Variants in SLIT2 observed in about 807,000 individuals in gnomAD.
SLIT2 encodes slit homolog 2 protein.
In SLIT2, 41 loss-of-function variants were observed where a neutral mutation model predicts 185.7. The ratio of observed to expected loss-of-function variants is 0.22; its 90% confidence interval spans 0.17 to 0.29. SLIT2 has a LOEUF of 0.29. Ranked by LOEUF, SLIT2 falls within the 10% of genes least tolerant of loss-of-function variation. The probability of loss-of-function intolerance (pLI) is 1.00; values close to 1 mark genes in which losing one functional copy is unlikely to be tolerated. For missense variants in SLIT2, 1,571 were observed against 1,909.0 expected (o/e 0.82, Z 3.30); for synonymous variants, 693 against 680.2 (o/e 1.02, Z -0.29).
At chr4:20,529,574 G>A (rs981748889) in intron 16 of SLIT2, among the ~76,000 whole-genome samples, 3 of 152,186 alleles carry the variant, frequency 2.0e-5, no homozygotes, top group African/African-American at 7.2e-5. Flanking sequence ...TGGTTATCAA[G>A]TATTAAAGTA....
intron 8 of SLIT2, among the ~76,000 whole-genome samples, chr4:20,489,563 C>A (rs1717587671): frequency 6.6e-6 from 1 of 152,170 alleles, no homozygotes. Context: ...GTGGGCAGAT[C>A]TCCAGAGGTC....
rs1385268844 is a variant in SLIT2, at chr4:20,570,712, AATATATATATATATATATGTATATATAT to A, written c.3088+1727_3088+1754del. Among the ~76,000 whole-genome samples, 487 of 112,314 alleles carry A rather than the reference AATATATATATATATATATGTATATATAT, an allele frequency of 4.3e-3. 3 individuals carry two copies. Among genetic ancestry groups the A allele is most frequent in the African/African-American group, 0.016 (460 of 29,482 alleles). The allele number at this position is 112,314 out of a possible 152,430, so 73.7% of individuals were successfully genotyped here. A position where few individuals can be genotyped will look rare whatever the true frequency, so the allele number is the denominator to read the frequency against. Reference sequence around the variant, plus strand: ...TGCCTAACCAATGCACAGAACCAGGAATATATATATATATATATGTATATATATATATATATATATATATATATATTTC... The same window carrying A: ...TGCCTAACCAATGCACAGAACCAGGAATATATATATATATATATATATTTC... On this transcript the variant is annotated intron_variant, in intron 29 of 36. Transcript: ENST00000504154.
chr4:20,305,123 A>T (rs1717419638), intron 4 of SLIT2, among the ~76,000 whole-genome samples: 1 of 152,184 alleles, frequency 6.6e-6, no homozygotes, highest in African/African-American at 2.4e-5. Flanking sequence ...CATGCTCATG[A>T]TGCTATGCCA....
chr4:20,606,775 CT>C (rs1256900318), intron 33 of SLIT2, among the ~76,000 whole-genome samples: 3 of 152,146 alleles, frequency 2.0e-5, no homozygotes, highest in African/African-American at 7.2e-5. Flanking sequence ...AAGATCATTA[CT>C]TTTATTAACA....
chr4:20,390,581 G>A (rs949292390), intron 4 of SLIT2, among the ~76,000 whole-genome samples: 7 of 151,958 alleles, frequency 4.6e-5, no homozygotes, highest in African/African-American at 1.7e-4. Context: ...CTGTCGGCCT[G>A]CTGCATTGAA....
chr4:20,585,838 C>T (rs1241107133), intron 29 of SLIT2, among the ~76,000 whole-genome samples: 2 of 152,118 alleles, frequency 1.3e-5, no homozygotes, highest in African/African-American at 4.8e-5. Context: ...TATTTTTCCA[C>T]TAACTCAGTA....
At chr4:20,551,440 A>G (rs1723746371) in intron 25 of SLIT2, among the ~76,000 whole-genome samples, 1 of 152,208 alleles carries the variant, frequency 6.6e-6, no homozygotes, top group Non-Finnish European at 1.5e-5. Context: ...TTCTCTGATC[A>G]CAACTTGTTT....
intron 5 of SLIT2, among the ~76,000 whole-genome samples, chr4:20,476,266 C>T (rs886379139): frequency 3.3e-5 from 5 of 152,030 alleles, no homozygotes; most frequent in African/African-American, 7.2e-5. Context: ...GAAGAGACCA[C>T]GCTCATATAT....
chr4:20,491,939 G>A (rs201123544), intron 9 of SLIT2, 40 bp downstream of exon 9: 20 of 1,594,228 alleles, frequency 1.3e-5, no homozygotes, highest in Admixed American at 7.0e-5. Flanking sequence ...CCACCTTCCC[G>A]GTGAACCAAA....
chr4:20,474,020 A>G (rs564226570), intron 5 of SLIT2, among the ~76,000 whole-genome samples: 20 of 151,798 alleles, frequency 1.3e-4, no homozygotes, highest in Admixed American at 7.9e-4. Flanking sequence ...ATTTTCAGTA[A>G]ACCTGAAGCT....
In SLIT2 at chr4:20,469,076, T is replaced by C. The variant is rs142268616; in HGVS notation, c.467+1253T>C. Among the ~76,000 whole-genome samples, 92 of 152,282 alleles carry C rather than the reference T, an allele frequency of 6.0e-4. 1 individual carries two copies. The highest frequency in any genetic ancestry group is 2.1e-3 in the African/African-American group (87 of 41,574). ...ATGGCTGTAAGGTTTTTATGGGTGC[T>C]CAATTTAATATGATTTTATTTGCTT... On this transcript the variant is annotated intron_variant, in intron 5 of 36. Transcript: ENST00000504154.
chr4:20,254,049 C>G lies in SLIT2; in HGVS notation c.179+55C>G. The G allele has an allele frequency of 6.5e-7, 1 of 1,547,112 alleles. No individual in the cohort carries two copies. Among genetic ancestry groups the G allele is most frequent in the Admixed American group, 1.7e-5 (1 of 57,670 alleles). On this transcript the variant is annotated intron_variant, in intron 1 of 36. Coordinates refer to ENST00000504154, the MANE Select transcript of SLIT2 (RefSeq NM_004787.4). This position sits in a 1 kb window ranked among gnomAD's most constrained non-coding sequence, Gnocchi z 5.1. ...CCCCATCCGGGCCGCGCACCCCTGC[C>G]TCCACTGGAGGAACCTGTCAGCTCA...
intron 4 of SLIT2, among the ~76,000 whole-genome samples, chr4:20,428,477 G>T (rs1342214991): frequency 6.6e-6 from 1 of 152,098 alleles, no homozygotes; most frequent in Non-Finnish European, 1.5e-5. Context: ...CTAAGAAAAC[G>T]TAGTTGTATT....
Position 20,252,354 on chromosome 4 carries a change from G to C in SLIT2, c.-1462G>C, listed in dbSNP as rs1323065. On this transcript the variant is annotated 5_prime_UTR_variant, in exon 1 of 37. Coordinates refer to ENST00000504154, the MANE Select transcript of SLIT2 (RefSeq NM_004787.4). ...CTGAGTCGTCGCCCTCCCTCTCCCC[G>C]ACCTCGCTCCCTGGAGCGGGAGGCC... 0.78 allele frequency among the ~76,000 whole-genome samples: 117,982 copies of C among 151,928 alleles called. 46,005 individuals carry two copies. The highest frequency in any genetic ancestry group is 0.99 in the East Asian group (5,050 of 5,092).
intron 4 of SLIT2, among the ~76,000 whole-genome samples, chr4:20,413,783 C>T (rs1014529616): frequency 6.6e-6 from 1 of 151,912 alleles, no homozygotes; most frequent in Non-Finnish European, 1.5e-5. Flanking sequence ...CTTTTATTTT[C>T]AATCTATTTG....
chr4:20,528,310 C>G lies in SLIT2; in HGVS notation c.1463-639C>G. On this transcript the variant is annotated intron_variant, in intron 15 of 36. Coordinates refer to ENST00000504154, the MANE Select transcript of SLIT2 (RefSeq NM_004787.4). This position sits in a 1 kb window ranked among gnomAD's most constrained non-coding sequence, Gnocchi z 4.2. ...AGCGAGATTTTCTGTTGTGCTTGAT[C>G]TAACCATGTGGTTGCGAGGTATGAG... 1 of 534,674 alleles carries G rather than the reference C, an allele frequency of 1.9e-6. No individual in the cohort carries two copies. Among genetic ancestry groups the G allele is most frequent in the East Asian group, 5.5e-5 (1 of 18,338 alleles). 33.1% of individuals were successfully genotyped at this position (534,674 alleles called of 1,614,324 possible).
intron 9 of SLIT2, among the ~76,000 whole-genome samples, chr4:20,492,293 C>T (rs932824066): frequency 4.6e-5 from 7 of 152,082 alleles, no homozygotes; most frequent in South Asian, 2.1e-4. Context: ...TCTGCCTCCT[C>T]GAGAGCTCAT....
chr4:20,456,875 G>A (rs571913995), intron 4 of SLIT2, among the ~76,000 whole-genome samples: 4 of 151,822 alleles, frequency 2.6e-5, no homozygotes, highest in African/African-American at 7.2e-5. Context: ...TAAAATTCAC[G>A]GTATTTATAT....
Position 20,503,738 on chromosome 4 carries a change from T to C in SLIT2, c.915-6757T>C, listed in dbSNP as rs117524610. ...AAGACCAAATGGAAAATGAGGCGTT[T>C]CTCTCCTATAAAAACACCAATTGAA... On this transcript the variant is annotated intron_variant, in intron 9 of 36. Transcript: ENST00000504154. Among the ~76,000 whole-genome samples the C allele has an allele frequency of 1.7e-4, 26 of 152,312 alleles. No individual in the cohort carries two copies. The East Asian group carries it at 4.2e-3, about 25-fold the overall frequency.
Sources: allele counts gnomAD v4.1 joint callset (sites outside exome capture counted in the v4.1 genomes callset), GRCh38; gene constraint gnomAD v4.1.1; non-coding constraint Gnocchi (gnomAD v3.1); transcripts MANE v1.5; gene names NCBI Gene and HGNC (gene_info 2026-07-23, HGNC 2026-07-21).